The following MEPCE variants were observed in gnomAD, a reference collection of about 807,000 sequenced individuals.
The protein encoded by MEPCE is 7SK snRNA methylphosphate capping enzyme.
MEPCE carries 9 observed loss-of-function variants against 52.3 expected under a neutral mutation model. The observed-to-expected ratio is 0.17, with a 90% confidence interval of 0.10 to 0.30. The LOEUF (loss-of-function observed/expected upper bound fraction) is 0.30, where lower values mean the gene tolerates loss of function less well. Among genes scored for constraint, MEPCE ranks in the 10% least tolerant of loss-of-function variants. MEPCE has a pLI of 1.00. For synonymous variants in MEPCE, 477 were observed against 401.6 expected, an observed-to-expected ratio of 1.19 and a Z score of -2.25; for missense variants, 826 against 933.0, an observed-to-expected ratio of 0.89 and a Z score of 1.49.
chr7:100,429,146 G>A (rs549558621), upstream of MEPCE: 2 of 152,222 alleles, frequency 1.3e-5, no homozygotes, highest in Non-Finnish European at 2.9e-5. Context: ...CTTCTAAGAA[G>A]GTGGGCAGAG....
intron 1 of MEPCE, among the ~76,000 whole-genome samples, 177 bp downstream of exon 1, chr7:100,431,866 T>G (rs1798724217): frequency 6.6e-6 from 1 of 152,218 alleles, no homozygotes; most frequent in African/African-American, 2.4e-5. Flanking sequence ...GTGTCTACCT[T>G]GGGGCATTGA....
Position 100,430,783 on chromosome 7 carries a change from A to G in MEPCE, c.765A>G (p.Pro255=). The G allele has an allele frequency of 6.2e-7, 1 of 1,613,754 alleles. No homozygotes were observed. The highest frequency in any genetic ancestry group is 1.1e-5 in the South Asian group (1 of 91,082). Residue 255 remains proline (P), a synonymous_variant, in exon 1 of 4, where the codon CCA becomes CCG. Transcript: ENST00000310512. ...TDEGHVVLAS[P]LKTGRKRHRH... is the part of the protein sequence containing the mutation. Reference sequence around the variant, plus strand: ...AGGGCCATGTAGTTCTTGCTTCGCCACTCAAGACTGGTCGGAAGCGGCATA... The same window carrying G: ...AGGGCCATGTAGTTCTTGCTTCGCCGCTCAAGACTGGTCGGAAGCGGCATA...
At chr7:100,433,448 A>G in intron 3 of MEPCE, 54 bp from the exon 4 acceptor site, 2 of 1,613,974 alleles carry the variant, frequency 1.2e-6, no homozygotes, top group South Asian at 1.1e-5. Context: ...GCAGACCCCC[A>G]TGGGGATTCT....
rs773148450 is a variant in MEPCE at position 100,433,874 on chromosome 7, TTCCTC to T, written c.*321_*325del. On this transcript the variant is annotated 3_prime_UTR_variant, in exon 4 of 4. Coordinates refer to ENST00000310512, the MANE Select transcript of MEPCE (RefSeq NM_019606.6). ...GGAGGATATCAAATTCTCTAGCCCTTTCCTCCTATTCTCCCAAGGAGAGAGATTCC... is the reference window on the plus strand; with the variant it reads ...GGAGGATATCAAATTCTCTAGCCCTTCTATTCTCCCAAGGAGAGAGATTCC... The T allele has an allele frequency of 1.4e-5, 5 of 345,800 alleles. No individual in the cohort carries two copies. Among genetic ancestry groups the T allele is most frequent in the South Asian group, 7.9e-5 (2 of 25,438 alleles). The allele number at this position is 345,800 out of a possible 1,614,324, so 21.4% of individuals were successfully genotyped here.
In MEPCE at chr7:100,429,952, C is replaced by T. The variant is rs1798535434; in HGVS notation, c.-67C>T. 6 of 1,150,132 alleles carry T rather than the reference C, an allele frequency of 5.2e-6. No individual in the cohort carries two copies. The South Asian group carries it at 2.1e-4, about 40-fold the overall frequency. 71.2% of individuals were successfully genotyped at this position (1,150,132 alleles called of 1,614,324 possible). ...GGAAAGGGGGGAAGGGAGCAGGGTC[C>T]AGGCAGGGGGGGTTAGGCCCCCTGA... On this transcript the variant is annotated 5_prime_UTR_variant, in exon 1 of 4. Coordinates refer to ENST00000310512, the MANE Select transcript of MEPCE (RefSeq NM_019606.6).
chr7:100,429,817 C>T, upstream of MEPCE: 1 of 415,964 alleles, frequency 2.4e-6, no homozygotes, highest in Non-Finnish European at 4.1e-6. Context: ...TCGAGTAGTT[C>T]GGGTCTCGCG....
At chr7:100,431,715 A>G in intron 1 of MEPCE, 26 bp downstream of exon 1, 2 of 1,540,468 alleles carry the variant, frequency 1.3e-6, no homozygotes, top group Non-Finnish European at 1.7e-6. Flanking sequence ...GGCTCTTGGA[A>G]TAGGGGCCAG....
At position 100,433,351 on chromosome 7, in the gene MEPCE, G is replaced by T; in HGVS notation, c.1979G>T (p.Ser660Ile). Reference sequence around the variant, plus strand: ...ACATCCCCAGACGTGGGCTTCTCCAGCTATGAGCTTGTGGCCACACCCCAC... The same window carrying T: ...ACATCCCCAGACGTGGGCTTCTCCATCTATGAGCTTGTGGCCACACCCCAC... ...YLTSPDVGFSSYELVATPHNT... is the reference protein window; with the variant it reads ...YLTSPDVGFSIYELVATPHNT... Residue 660 changes from serine to isoleucine, a missense_variant, in exon 3 of 4, where the codon AGC (serine) becomes ATC (isoleucine). By Grantham distance (142) the Ser-to-Ile change is moderately radical (BLOSUM62 -2). This residue lies in a region of MEPCE where 82 missense variants were observed against 121.4 expected (regional missense o/e 0.68). Coordinates refer to ENST00000310512, the MANE Select transcript of MEPCE (RefSeq NM_019606.6). The T allele has an allele frequency of 6.2e-7, 1 of 1,614,192 alleles. No individual in the cohort carries two copies. Among genetic ancestry groups the T allele is most frequent in the Non-Finnish European group, 8.5e-7 (1 of 1,180,044 alleles).
At chr7:100,431,831 C>A in intron 1 of MEPCE, 142 bp downstream of exon 1, 1 of 781,294 alleles carries the variant, frequency 1.3e-6, no homozygotes, top group Non-Finnish European at 2.0e-6. Flanking sequence ...GGCGTCTCTC[C>A]CCTCTTATAA....
Position 100,430,524 on chromosome 7 carries a change from G to T in MEPCE, c.506G>T (p.Arg169Met). 2 of 1,582,998 alleles carry T rather than the reference G, an allele frequency of 1.3e-6. No homozygotes were observed. Among genetic ancestry groups the T allele is most frequent in the Non-Finnish European group, 1.7e-6 (2 of 1,164,166 alleles). Reference sequence around the variant, plus strand: ...GGCTTCAAACATCCGGCCTTCAAGAGGCGCAGGCGGGTGAATTCGGACTGT... The same window carrying T: ...GGCTTCAAACATCCGGCCTTCAAGATGCGCAGGCGGGTGAATTCGGACTGT... ...GGGFKHPAFK[R>M]RRRVNSDCDS... Residue 169 changes from arginine to methionine, a missense_variant, in exon 1 of 4, where the codon AGG (arginine) becomes ATG (methionine). This residue lies in a region of MEPCE where 314 missense variants were observed against 277.7 expected (regional missense o/e 1.13). Transcript: ENST00000310512.
Position 100,433,502 on chromosome 7 carries a change from G to T in MEPCE, c.2018G>T (p.Gly673Val). ...LVATPHNTSK[G>V]FQRPVYLFHK... is the part of the protein sequence containing the mutation. ...TTCTGATCACTCTCTCTCCCCTCAG[G>T]CTTCCAGCGTCCTGTGTACCTGTTC... The change falls in exon 4 of 4, where the codon GGC becomes GTC. Residue 673 changes from glycine (G) to valine (V), a missense_variant and splice_region_variant. By Grantham distance (109) the Gly-to-Val change is moderately radical. Coordinates refer to ENST00000310512, the MANE Select transcript of MEPCE (RefSeq NM_019606.6). The T allele has an allele frequency of 6.2e-7, 1 of 1,613,944 alleles. No individual in the cohort carries two copies. The highest frequency in any genetic ancestry group is 8.5e-7 in the Non-Finnish European group (1 of 1,179,988).
chr7:100,430,471 T>G lies in MEPCE; in HGVS notation c.453T>G (p.Asn151Lys). 1 of 1,564,914 alleles carries G rather than the reference T, an allele frequency of 6.4e-7. No homozygotes were observed. The highest frequency in any genetic ancestry group is 1.4e-5 in the African/African-American group (1 of 73,886). Residue 151 changes from asparagine (N) to lysine (K), a missense_variant, in exon 1 of 4, where the codon AAT (asparagine) becomes AAG (lysine). Physicochemically the swap from Asn to Lys is moderately conservative, Grantham distance 94 (BLOSUM62 0). This residue lies in a region of MEPCE where 314 missense variants were observed against 277.7 expected (regional missense o/e 1.13). Coordinates refer to ENST00000310512, the MANE Select transcript of MEPCE (RefSeq NM_019606.6). ...PPGGGGGKRR[N>K]SCNVGGGGGG... ...GGGGGGGCGGGGGCAAGAGGAGAAA[T>G]AGCTGTAATGTAGGGGGAGGCGGGG...
intron 1 of MEPCE, 89 bp downstream of exon 1, chr7:100,431,778 C>A: frequency 7.8e-7 from 1 of 1,287,728 alleles, no homozygotes; most frequent in Non-Finnish European, 1.0e-6. Context: ...TGACCCAGAT[C>A]CTCAAAAGAG....
chr7:100,431,035 C>T lies in MEPCE; in HGVS notation c.1017C>T (p.Pro339=), dbSNP rs149694899. 7.4e-6 allele frequency: 12 copies of T among 1,613,790 alleles called. No individual in the cohort carries two copies. In the African/African-American group the frequency reaches 1.1e-4, roughly 14 times the overall value. The change falls in exon 1 of 4, where the codon CCC becomes CCT. Residue 339 remains proline, a synonymous_variant. Coordinates refer to ENST00000310512, the MANE Select transcript of MEPCE (RefSeq NM_019606.6). ...CCCTTCCATCTGCTCTGCAGGGTCC[C>T]TCAGGCTCCCTATCAGCCCCTCCAG... is the stretch of plus-strand genomic sequence containing the variant. ...VSPLPSALQG[P]SGSLSAPPAA...
Position 100,429,945 on chromosome 7 carries a change from C to A in MEPCE, c.-74C>A. 9.0e-7 allele frequency: 1 copy of A among 1,112,904 alleles called. No individual in the cohort carries two copies. Among genetic ancestry groups the A allele is most frequent in the Non-Finnish European group, 1.1e-6 (1 of 877,882 alleles). 68.9% of individuals were successfully genotyped at this position (1,112,904 alleles called of 1,614,324 possible). A position where few individuals can be genotyped will look rare whatever the true frequency, so the allele number is the denominator to read the frequency against. ...GCACTCGGGAAAGGGGGGAAGGGAG[C>A]AGGGTCCAGGCAGGGGGGGTTAGGC... On this transcript the variant is annotated 5_prime_UTR_variant, in exon 1 of 4. Coordinates refer to ENST00000310512, the MANE Select transcript of MEPCE (RefSeq NM_019606.6).
intron 1 of MEPCE, among the ~76,000 whole-genome samples, chr7:100,431,926 C>G (rs147389497): frequency 6.6e-6 from 1 of 152,136 alleles, no homozygotes; most frequent in Non-Finnish European, 1.5e-5. Context: ...TAGAGGAGGA[C>G]TCTCTTTTTG....
rs1182865063 is a variant in MEPCE at position 100,430,451 on chromosome 7, G to A, written c.433G>A (p.Gly145Ser). The A allele has an allele frequency of 1.9e-6, 3 of 1,557,200 alleles. No individual in the cohort carries two copies. Among genetic ancestry groups the A allele is most frequent in the Non-Finnish European group, 2.6e-6 (3 of 1,154,734 alleles). Reference sequence around the variant, plus strand: ...TCAGCCCCACCGGCCACCTGGGGGGGGCGGGGGCAAGAGGAGAAATAGCTG... The same window carrying A: ...TCAGCCCCACCGGCCACCTGGGGGGAGCGGGGGCAAGAGGAGAAATAGCTG... Reference protein sequence around the residue: ...GYQPHRPPGGGGGKRRNSCNV... With the variant: ...GYQPHRPPGGSGGKRRNSCNV... Residue 145 changes from glycine (G) to serine (S), a missense_variant, in exon 1 of 4, where the codon GGC (glycine) becomes AGC (serine). Physicochemically the swap from Gly to Ser is moderately conservative, Grantham distance 56 (BLOSUM62 0). Around this residue, in one of 7 missense-constraint regions of MEPCE, gnomAD observed 314 missense variants for 277.7 expected, o/e 1.13. Transcript: ENST00000310512.
Position 100,429,956 on chromosome 7 carries a change from C to A in MEPCE, c.-63C>A. On this transcript the variant is annotated 5_prime_UTR_variant, in exon 1 of 4. Coordinates refer to ENST00000310512, the MANE Select transcript of MEPCE (RefSeq NM_019606.6). Reference sequence around the variant, plus strand: ...AGGGGGGAAGGGAGCAGGGTCCAGGCAGGGGGGGTTAGGCCCCCTGATCCC... The same window carrying A: ...AGGGGGGAAGGGAGCAGGGTCCAGGAAGGGGGGGTTAGGCCCCCTGATCCC... 1.7e-6 allele frequency: 2 copies of A among 1,153,818 alleles called. No individual in the cohort carries two copies. The highest frequency in any genetic ancestry group is 2.2e-6 in the Non-Finnish European group (2 of 914,148). The allele number at this position is 1,153,818 out of a possible 1,614,324, so 71.5% of individuals were successfully genotyped here. A position where few individuals can be genotyped will look rare whatever the true frequency, so the allele number is the denominator to read the frequency against.
At chr7:100,431,832 C>A in intron 1 of MEPCE, 143 bp downstream of exon 1, 1 of 761,846 alleles carries the variant, frequency 1.3e-6, no homozygotes, top group Non-Finnish European at 2.1e-6. Flanking sequence ...GCGTCTCTCC[C>A]CTCTTATAAC....
Sources: allele counts gnomAD v4.1 joint callset (sites outside exome capture counted in the v4.1 genomes callset), GRCh38; gene constraint gnomAD v4.1.1; regional missense constraint gnomAD v4.1.1; transcripts MANE v1.5; gene names NCBI Gene and HGNC (gene_info 2026-07-23, HGNC 2026-07-21).